The following CADPS2 variants were observed in gnomAD, a reference collection of about 807,000 sequenced individuals.
The protein encoded by CADPS2 is calcium dependent secretion activator 2, also known as calcium-dependent secretion activator 2.
A neutral mutation model predicts 172.5 loss-of-function variants in CADPS2; 93 were observed. The ratio of observed to expected loss-of-function variants is 0.54; its 90% CI spans 0.46 to 0.64. The LOEUF is 0.64. CADPS2 is among the 30% of genes least tolerant of loss of function. CADPS2 has a pLI of 0.00. For missense variants in CADPS2, 1,420 were observed against 1,565.9 expected, an observed-to-expected ratio of 0.91 and a Z score of 1.57; for synonymous variants, 546 against 555.2, an observed-to-expected ratio of 0.98 and a Z score of 0.23.
At chr7:122,717,508 T>C (rs929987666) in intron 2 of CADPS2, among the ~76,000 whole-genome samples, 1 of 152,166 alleles carries the variant, frequency 6.6e-6, no homozygotes, top group Non-Finnish European at 1.5e-5. Flanking sequence ...AATGTTTCTA[T>C]GTGGAAGTTA....
intron 27 of CADPS2, among the ~76,000 whole-genome samples, chr7:122,353,585 A>G (rs1421697260): frequency 2.6e-5 from 4 of 152,208 alleles, no homozygotes; most frequent in Non-Finnish European, 4.4e-5. Context: ...GATAATGTTA[A>G]TAAGACCATT....
At chr7:122,552,474 C>T (rs1251626288) in intron 8 of CADPS2, among the ~76,000 whole-genome samples, 7 of 152,042 alleles carry the variant, frequency 4.6e-5, no homozygotes, top group African/African-American at 1.4e-4. Flanking sequence ...GGGCAGAAGG[C>T]AATTGCAGGC....
intron 1 of CADPS2, among the ~76,000 whole-genome samples, chr7:122,753,254 A>T (rs1329911999): frequency 6.6e-6 from 1 of 152,242 alleles, no homozygotes; most frequent in Non-Finnish European, 1.5e-5. Flanking sequence ...CATGGAGCAC[A>T]GAAATTCATT....
At chr7:122,772,403 A>G (rs1276820947) in intron 1 of CADPS2, among the ~76,000 whole-genome samples, 1 of 152,208 alleles carries the variant, frequency 6.6e-6, no homozygotes, top group Non-Finnish European at 1.5e-5. Context: ...TGAAAAATTA[A>G]TGACAGTCCC....
rs2087240752 is a variant in CADPS2, at chr7:122,705,947, A to ATGTATAATATAT, written c.453+31007_453+31008insATATATTATACA. ...AATATATAATATATTATATAATATAATATATAATATATATATAATATAATA... is the reference window on the plus strand; with the variant it reads ...AATATATAATATATTATATAATATAATGTATAATATATTATATAATATATATATAATATAATA... On this transcript the variant is annotated intron_variant, in intron 2 of 29. Transcript: ENST00000449022. Among the ~76,000 whole-genome samples the ATGTATAATATAT allele has an allele frequency of 2.1e-3, 2 of 960 alleles. 1 individual carries two copies. The highest frequency in any genetic ancestry group is 0.1 in the Non-Finnish European group (2 of 20). 0.6% of individuals were successfully genotyped at this position (960 alleles called of 152,430 possible). A position where few individuals can be genotyped will look rare whatever the true frequency, so the allele number is the denominator to read the frequency against.
At chr7:122,676,758 G>A in intron 2 of CADPS2, 1 of 1,265,792 alleles carries the variant, frequency 7.9e-7, no homozygotes, top group Non-Finnish European at 1.1e-6. Flanking sequence ...TTATCATGGA[G>A]AAACTTCTCC....
chr7:122,704,039 T>C (rs1480198057), intron 2 of CADPS2, among the ~76,000 whole-genome samples: 1 of 152,108 alleles, frequency 6.6e-6, no homozygotes, highest in Non-Finnish European at 1.5e-5. Flanking sequence ...TTATTTTCTA[T>C]CATGTATAGG....
intron 9 of CADPS2, among the ~76,000 whole-genome samples, chr7:122,491,955 G>A (rs1390001772): frequency 2.0e-5 from 3 of 152,078 alleles, no homozygotes; most frequent in Admixed American, 1.3e-4. Flanking sequence ...GGCAGATCAC[G>A]AGGTCAGGAA....
At chr7:122,881,648 TC>T (rs1822967955) in intron 1 of CADPS2, among the ~76,000 whole-genome samples, 2 of 152,142 alleles carry the variant, frequency 1.3e-5, no homozygotes, top group South Asian at 4.1e-4. Flanking sequence ...TTTTGGACTA[TC>T]ATCAGATCTG....
At chr7:122,645,132 C>A (rs1235631114) in intron 3 of CADPS2, among the ~76,000 whole-genome samples, 1 of 150,724 alleles carries the variant, frequency 6.6e-6, no homozygotes, top group Non-Finnish European at 1.5e-5. Flanking sequence ...TAACCTCATA[C>A]ATAAAAACCG....
At chr7:122,329,614 T>G (rs1408494659) in intron 28 of CADPS2, among the ~76,000 whole-genome samples, 1 of 152,216 alleles carries the variant, frequency 6.6e-6, no homozygotes, top group East Asian at 1.9e-4. Context: ...ACAAATATAT[T>G]AAATATGCAC....
intron 2 of CADPS2, among the ~76,000 whole-genome samples, chr7:122,734,385 A>AG (rs2091971035): frequency 1.1e-5 from 1 of 88,954 alleles, no homozygotes; most frequent in African/African-American, 3.7e-5. Context: ...AAAAAAAAAA[A>AG]AGAAAAAAAA....
intron 6 of CADPS2, among the ~76,000 whole-genome samples, chr7:122,614,477 A>G (rs763892413): frequency 1.3e-5 from 2 of 152,178 alleles, no homozygotes; most frequent in African/African-American, 2.4e-5. Flanking sequence ...ATTTAGAATA[A>G]AGATTAAATA....
At chr7:122,536,818 G>C (rs1202210303) in intron 8 of CADPS2, among the ~76,000 whole-genome samples, 2 of 152,046 alleles carry the variant, frequency 1.3e-5, no homozygotes, top group Non-Finnish European at 2.9e-5. Flanking sequence ...GGGACAGGGG[G>C]CCTAAGCTCT....
chr7:122,771,663 AC>A (rs913267792), intron 1 of CADPS2, among the ~76,000 whole-genome samples: 72 of 152,340 alleles, frequency 4.7e-4, no homozygotes, highest in African/African-American at 1.7e-3. Context: ...GTGTTGTAAA[AC>A]ACTCCCAAGG....
intron 8 of CADPS2, among the ~76,000 whole-genome samples, chr7:122,515,701 G>A (rs1182836042): frequency 6.6e-6 from 1 of 152,066 alleles, no homozygotes; most frequent in African/African-American, 2.4e-5. Flanking sequence ...GCTACTCAGT[G>A]TCAGTCTTGC....
intron 7 of CADPS2, among the ~76,000 whole-genome samples, chr7:122,569,695 T>C (rs1397928071): frequency 1.4e-5 from 2 of 145,608 alleles, no homozygotes; most frequent in Non-Finnish European, 1.5e-5. Flanking sequence ...TATAGATCAA[T>C]GGAACAGAAC....
intron 1 of CADPS2, among the ~76,000 whole-genome samples, chr7:122,873,586 G>T (rs1820409606): frequency 1.3e-5 from 2 of 152,056 alleles, no homozygotes; most frequent in African/African-American, 4.8e-5. Flanking sequence ...GGCATTTTTG[G>T]TGGTTCCAAG....
At chr7:122,491,280 A>G in intron 10 of CADPS2, 32 bp downstream of exon 10, 1 of 1,407,792 alleles carries the variant, frequency 7.1e-7, no homozygotes, top group African/African-American at 1.4e-5. Context: ...GCATACATAC[A>G]TGGCAGGAAA....
Sources: gnomAD v4.1 joint callset for allele counts (sites outside exome capture counted in the v4.1 genomes callset) on GRCh38, gnomAD v4.1.1 for gene constraint, MANE v1.5 for transcripts, NCBI Gene and HGNC (gene_info 2026-07-23, HGNC 2026-07-21) for gene names.